The following ANKK1 variants were observed in gnomAD, a reference collection of about 807,000 sequenced individuals.
The protein encoded by ANKK1 is ankyrin repeat and kinase domain containing 1.
Under a neutral mutation model 37.6 loss-of-function variants are expected in ANKK1, and 37 were observed. That is an observed-to-expected ratio of 0.98 (90% confidence interval 0.76 to 1.29). The LOEUF is 1.29. Among genes scored for constraint, ANKK1 ranks in the 50% most tolerant of loss-of-function variants. The pLI, the probability that ANKK1 is intolerant of heterozygous loss-of-function variation, is 0.00. For synonymous variants in ANKK1, 415 were observed against 418.7 expected, an observed-to-expected ratio of 0.99 and a Z score of 0.11; for missense variants, 1,019 against 990.6, an observed-to-expected ratio of 1.03 and a Z score of -0.39.
In ANKK1 at chr11:113,399,921, A is replaced by C. The variant is rs748945337; in HGVS notation, c.1952A>C (p.Asp651Ala). The C allele has an allele frequency of 1.5e-5, 25 of 1,613,320 alleles. No homozygotes were observed. Among genetic ancestry groups the C allele is most frequent in the Non-Finnish European group, 2.1e-5 (25 of 1,179,852 alleles). The change falls in exon 8 of 8, where the codon GAC becomes GCC. Residue 651 changes from aspartate to alanine, a missense_variant. Asp to Ala is a moderately radical substitution (Grantham distance 126). Transcript: ENST00000303941. ...TCAGCACTGCTGCAGTGTGGGGCTG[A>C]CCCCAATGCTGCAGAGCAGTCAGGC... ...VVSALLQCGA[D>A]PNAAEQSGWT...
Position 113,399,268 on chromosome 11 carries a change from C to A in ANKK1, c.1299C>A (p.His433Gln). 6.2e-7 allele frequency: 1 copy of A among 1,606,426 alleles called. No individual in the cohort carries two copies. The highest frequency in any genetic ancestry group is 1.1e-5 in the South Asian group (1 of 89,266). Residue 433 changes from histidine (H) to glutamine (Q), a missense_variant, in exon 8 of 8, where the codon CAC becomes CAA. By Grantham distance (24) the His-to-Gln change is conservative (BLOSUM62 0). Transcript: ENST00000303941. The stretch of plus-strand genomic sequence containing the variant: ...ATGAGGATGGCTGGGCCCCACTGCA[C>A]TTTGCAGCCCAGAATGGGGATGACG... ...RVDEDGWAPLHFAAQNGDDGT... is the reference protein window; with the variant it reads ...RVDEDGWAPLQFAAQNGDDGT...
In ANKK1 at chr11:113,395,000, G is replaced by A. The variant is rs767086566; in HGVS notation, c.552G>A (p.Leu184=). ...TGCAGTACATCGAGAGGTCGGCTCTGCGGGGCATGCTCAGCTACATCCCCC... is the reference window on the plus strand; with the variant it reads ...TGCAGTACATCGAGAGGTCGGCTCTACGGGGCATGCTCAGCTACATCCCCC... The part of the protein sequence containing the change: ...TRMQYIERSA[L]RGMLSYIPPE... Residue 184 remains leucine (L), a synonymous_variant, in exon 3 of 8, where the codon CTG becomes CTA. Coordinates refer to ENST00000303941, the MANE Select transcript of ANKK1 (RefSeq NM_178510.2). The A allele has an allele frequency of 3.1e-6, 5 of 1,613,574 alleles. No individual in the cohort carries two copies. Among genetic ancestry groups the A allele is most frequent in the East Asian group, 2.2e-5 (1 of 44,876 alleles).
At chr11:113,393,418 C>T (rs950471944) in intron 1 of ANKK1, 63 bp from the exon 2 acceptor site, 1 of 1,520,460 alleles carries the variant, frequency 6.6e-7, no homozygotes, top group Non-Finnish European at 9.0e-7. Context: ...TTTATGTGTT[C>T]AGCTGGTTGC....
In ANKK1 at chr11:113,393,651, T is replaced by C; in HGVS notation, c.356T>C (p.Leu119Pro). ...VLSTHSLCWK[L>P]RFRIIHETSL... ...TCCACCCACAGCCTCTGCTGGAAGC[T>C]CAGGTTCCGCATCATCCATGAGACC... is the stretch of plus-strand genomic sequence containing the variant. Residue 119 changes from leucine to proline, a missense_variant, in exon 2 of 8, where the codon CTC (leucine) becomes CCC (proline). Coordinates refer to ENST00000303941, the MANE Select transcript of ANKK1 (RefSeq NM_178510.2). 6.2e-7 allele frequency: 1 copy of C among 1,613,852 alleles called. No homozygotes were observed. Among genetic ancestry groups the C allele is most frequent in the Non-Finnish European group, 8.5e-7 (1 of 1,179,840 alleles).
At chr11:113,391,715 C>T (rs1308211193) in intron 1 of ANKK1, among the ~76,000 whole-genome samples, 1 of 152,094 alleles carries the variant, frequency 6.6e-6, no homozygotes, top group Non-Finnish European at 1.5e-5. Context: ...AGGTTAGCTT[C>T]AGACACATTT....
rs1565649811 is a variant in ANKK1, at chr11:113,393,471, CT to C, written c.186-9del. 1 of 1,603,868 alleles carries C rather than the reference CT, an allele frequency of 6.2e-7. No individual in the cohort carries two copies. The highest frequency in any genetic ancestry group is 2.2e-5 in the East Asian group (1 of 44,716). ...CACCCCCTTCCATATCTTGCTCCCC[CT>C]CTCCATAGCTCTGATGTGAATTACC... On this transcript the variant is annotated splice_polypyrimidine_tract_variant and intron_variant, in intron 1 of 7. Transcript: ENST00000303941.
At position 113,388,694 on chromosome 11, in the gene ANKK1, C is replaced by A. The variant is rs79697484; in HGVS notation, c.185+625C>A. Reference sequence around the variant, plus strand: ...TTTGTTTTTGTCCCTTGCTGTCATGCGCACTACAGCGACGCCTTGACATGC... The same window carrying A: ...TTTGTTTTTGTCCCTTGCTGTCATGAGCACTACAGCGACGCCTTGACATGC... On this transcript the variant is annotated intron_variant, in intron 1 of 7. Coordinates refer to ENST00000303941, the MANE Select transcript of ANKK1 (RefSeq NM_178510.2). Among the ~76,000 whole-genome samples, 995 of 152,312 alleles carry A rather than the reference C, an allele frequency of 6.5e-3. 9 individuals carry two copies. Among genetic ancestry groups the A allele is most frequent in the African/African-American group, 0.022 (899 of 41,574 alleles).
rs371927986 is a variant in ANKK1 at position 113,400,151 on chromosome 11, C to A, written c.2182C>A (p.Pro728Thr). 16 of 1,603,718 alleles carry A rather than the reference C, an allele frequency of 1.0e-5. No individual in the cohort carries two copies. The East Asian group carries it at 2.5e-4, about 25-fold the overall frequency. Residue 728 changes from proline (P) to threonine (T), a missense_variant, in exon 8 of 8, where the codon CCC becomes ACC. By Grantham distance (38) the Pro-to-Thr change is conservative. Transcript: ENST00000303941. The stretch of plus-strand genomic sequence containing the variant: ...CGTCCAGGATGGAGTGAGCTGCACA[C>A]CCCTGCAACTGGCCCTCCGCAGCCG... ...LDVQDGVSCTPLQLALRSRKQ... is the reference protein window; with the variant it reads ...LDVQDGVSCTTLQLALRSRKQ...
chr11:113,395,366 A>C lies in ANKK1; in HGVS notation c.640A>C (p.Ile214Leu). Residue 214 changes from isoleucine (I) to leucine (L), a missense_variant, in exon 4 of 8, where the codon ATT becomes CTT. Coordinates refer to ENST00000303941, the MANE Select transcript of ANKK1 (RefSeq NM_178510.2). ...GGTTCTCTGCATCCACAGCTTTGCA[A>C]TTGTCATCTGGGAGCTACTCACTCA... ...GPKYDVYSFA[I>L]VIWELLTQKK... 2 of 1,613,886 alleles carry C rather than the reference A, an allele frequency of 1.2e-6. No individual in the cohort carries two copies. Among genetic ancestry groups the C allele is most frequent in the African/African-American group, 2.7e-5 (2 of 75,018 alleles).
chr11:113,393,444 G>A (rs767910276), intron 1 of ANKK1, 37 bp from the exon 2 acceptor site: 1 of 1,579,520 alleles, frequency 6.3e-7, no homozygotes, highest in Non-Finnish European at 8.6e-7. Context: ...TAATGAATGG[G>A]TCACCCCCTT....
chr11:113,395,268 T>G (rs1950628265), intron 3 of ANKK1, 91 bp from the exon 4 acceptor site: 1 of 1,547,918 alleles, frequency 6.5e-7, no homozygotes, highest in African/African-American at 1.4e-5. Flanking sequence ...TGGGACTGTG[T>G]GAACTGTAGC....
Position 113,398,003 on chromosome 11 carries a change from A to T in ANKK1, c.981A>T (p.Glu327Asp). Residue 327 changes from glutamate to aspartate, a missense_variant, in exon 7 of 8, where the codon GAA (glutamate) becomes GAT (aspartate). Physicochemically the swap from Glu to Asp is conservative, Grantham distance 45. Transcript: ENST00000303941. ...PGEVNEDISQ[E>D]LMDSDSGNYL... Reference sequence around the variant, plus strand: ...AGGTTAATGAGGACATCAGCCAGGAACTGATGGACAGTGGTGAGTCTGGGT... The same window carrying T: ...AGGTTAATGAGGACATCAGCCAGGATCTGATGGACAGTGGTGAGTCTGGGT... The T allele has an allele frequency of 6.4e-7, 1 of 1,565,084 alleles. No homozygotes were observed. The highest frequency in any genetic ancestry group is 1.2e-5 in the South Asian group (1 of 84,712).
Position 113,388,079 on chromosome 11 carries a change from G to A in ANKK1, c.185+10G>A. 1 of 1,472,204 alleles carries A rather than the reference G, an allele frequency of 6.8e-7. No individual in the cohort carries two copies. 91.2% of individuals were successfully genotyped at this position (1,472,204 alleles called of 1,614,324 possible). A position where few individuals can be genotyped will look rare whatever the true frequency, so the allele number is the denominator to read the frequency against. ...CACCCGACGCCGCCAGGTACTGCCA[G>A]CCTCGCCCTCCCCTTTCTCGGAGGA... On this transcript the variant is annotated intron_variant, in intron 1 of 7. Coordinates refer to ENST00000303941, the MANE Select transcript of ANKK1 (RefSeq NM_178510.2).
rs768579058 is a variant in ANKK1, at chr11:113,400,028, G to A, written c.2059G>A (p.Ala687Thr). ...CCTAGAACATCACGCAAATGTCCAC[G>A]CCCGCAACAAGGTGGGCTGGACACC... The part of the protein sequence containing the change: ...NLLEHHANVH[A>T]RNKVGWTPAH... The change falls in exon 8 of 8, where the codon GCC (alanine) becomes ACC (threonine). Residue 687 changes from alanine (A) to threonine (T), a missense_variant. Transcript: ENST00000303941. The A allele has an allele frequency of 1.2e-5, 20 of 1,613,334 alleles. No homozygotes were observed. In the East Asian group the frequency reaches 1.6e-4, roughly 13 times the overall value.
intron 1 of ANKK1, among the ~76,000 whole-genome samples, chr11:113,391,810 A>G (rs1224672618): frequency 6.6e-6 from 1 of 152,142 alleles, no homozygotes; most frequent in Non-Finnish European, 1.5e-5. Flanking sequence ...GGCTTGGACT[A>G]AGCCCCGTGG....
Position 113,389,965 on chromosome 11 carries a change from T to A in ANKK1, c.185+1896T>A, listed in dbSNP as rs558241176. ...TAGGAGATTGTTATCTTCATTCTGATGAGAGACGGATAATAGGGGCTAGAG... is the reference window on the plus strand; with the variant it reads ...TAGGAGATTGTTATCTTCATTCTGAAGAGAGACGGATAATAGGGGCTAGAG... On this transcript the variant is annotated intron_variant, in intron 1 of 7. Coordinates refer to ENST00000303941, the MANE Select transcript of ANKK1 (RefSeq NM_178510.2). Among the ~76,000 whole-genome samples the A allele has an allele frequency of 2.0e-5, 3 of 152,300 alleles. No homozygotes were observed. The South Asian group carries it at 6.2e-4, about 32-fold the overall frequency.
intron 1 of ANKK1, among the ~76,000 whole-genome samples, chr11:113,391,179 A>T (rs1950584464): frequency 6.6e-6 from 1 of 152,176 alleles, no homozygotes. Context: ...AAAGGTCCTG[A>T]GGTGGGACCA....
chr11:113,394,589 A>G (rs1950621458), intron 2 of ANKK1: 1 of 433,820 alleles, frequency 2.3e-6, no homozygotes, highest in African/African-American at 2.0e-5. Flanking sequence ...TGGCAACTTC[A>G]TTCATAGTCT....
Position 113,394,963 on chromosome 11 carries a change from A to G in ANKK1, c.515A>G (p.Gln172Arg), listed in dbSNP as rs1411840070. 1 of 1,613,392 alleles carries G rather than the reference A, an allele frequency of 6.2e-7. No individual in the cohort carries two copies. Among genetic ancestry groups the G allele is most frequent in the South Asian group, 1.1e-5 (1 of 90,902 alleles). ...SDFGLSKWME[Q>R]STRMQYIERS... ...TTCGGCCTGTCCAAGTGGATGGAAC[A>G]GTCCACCCGGATGCAGTACATCGAG... Residue 172 changes from glutamine to arginine, a missense_variant, in exon 3 of 8, where the codon CAG becomes CGG. Physicochemically the swap from Gln to Arg is conservative, Grantham distance 43. Coordinates refer to ENST00000303941, the MANE Select transcript of ANKK1 (RefSeq NM_178510.2).
Sources: gnomAD v4.1 joint callset for allele counts (sites outside exome capture counted in the v4.1 genomes callset) on GRCh38, gnomAD v4.1.1 for gene constraint, MANE v1.5 for transcripts, NCBI Gene and HGNC (gene_info 2026-07-23, HGNC 2026-07-21) for gene names.